The following FER variants were observed in gnomAD, a reference collection of about 807,000 sequenced individuals.
FER encodes the protein FER tyrosine kinase.
FER carries 63 observed loss-of-function variants against 111.0 expected under a neutral mutation model. That is an observed-to-expected ratio of 0.57 (90% confidence interval 0.46 to 0.70). The LOEUF is 0.70. Among genes scored for constraint, FER ranks in the 30% least tolerant of loss-of-function variants. The probability of loss-of-function intolerance (pLI) is 0.00; values close to 1 mark genes in which losing one functional copy is unlikely to be tolerated. For synonymous variants in FER, 327 were observed against 313.9 expected (o/e 1.04, Z -0.44); for missense variants, 914 against 954.0 (o/e 0.96, Z 0.55).
At chr5:108,794,335 G>A (rs1250647327) in intron 2 of FER, among the ~76,000 whole-genome samples, 1 of 151,000 alleles carries the variant, frequency 6.6e-6, no homozygotes, top group Non-Finnish European at 1.5e-5. Context: ...CTCCTGCTGC[G>A]GCCTCCCTAG....
At chr5:108,820,016 C>T (rs1183660317) in intron 3 of FER, 26 of 984,942 alleles carry the variant, frequency 2.6e-5, no homozygotes, top group Non-Finnish European at 2.8e-5. Flanking sequence ...AATAACAGAA[C>T]GGCTTGTCTA....
At chr5:108,835,322 T>C (rs2150139288) in intron 4 of FER, among the ~76,000 whole-genome samples, 1 of 151,660 alleles carries the variant, frequency 6.6e-6, no homozygotes, top group East Asian at 2.0e-4. Context: ...GCTGGGATTA[T>C]AGGCATGCGC....
intron 8 of FER, among the ~76,000 whole-genome samples, chr5:108,881,292 A>G (rs1003445669): frequency 6.6e-6 from 1 of 152,196 alleles, no homozygotes; most frequent in Non-Finnish European, 1.5e-5. Context: ...CCTCACAATC[A>G]TGGTAGAAGG....
chr5:109,078,723 A>T (rs1267375671), intron 16 of FER, among the ~76,000 whole-genome samples: 1 of 152,196 alleles, frequency 6.6e-6, no homozygotes, highest in African/African-American at 2.4e-5. Flanking sequence ...CACATTAGGA[A>T]TATAAAAGAC....
intron 17 of FER, among the ~76,000 whole-genome samples, chr5:109,172,858 C>T (rs1042881104): frequency 6.6e-6 from 1 of 152,066 alleles, no homozygotes; most frequent in Non-Finnish European, 1.5e-5. Context: ...GAAATATTGA[C>T]TGAGAGAAAT....
intron 1 of FER, among the ~76,000 whole-genome samples, chr5:108,750,183 C>A (rs78633399): frequency 0.068 from 10,261 of 151,418 alleles, 431 homozygotes; most frequent in South Asian, 0.087. Context: ...TGTAGTGGAA[C>A]ATCAATAAGA....
chr5:109,104,809 C>G (rs1479185408), intron 17 of FER, among the ~76,000 whole-genome samples: 1 of 151,984 alleles, frequency 6.6e-6, no homozygotes, highest in Non-Finnish European at 1.5e-5. Context: ...GTGGCGCCAT[C>G]TCGGCTCACT....
intron 17 of FER, among the ~76,000 whole-genome samples, chr5:109,165,565 C>T (rs1399429577): frequency 1.3e-5 from 2 of 151,222 alleles, no homozygotes; most frequent in Non-Finnish European, 2.9e-5. Flanking sequence ...AAATAAAGTG[C>T]ACACCACACA....
chr5:109,062,929 T>C (rs769826273), intron 16 of FER, among the ~76,000 whole-genome samples: 3 of 152,326 alleles, frequency 2.0e-5, no homozygotes, highest in East Asian at 1.9e-4. Flanking sequence ...AAATGACTTA[T>C]GACTTTGGAA....
chr5:109,069,238 G>C (rs1377335230), intron 16 of FER, among the ~76,000 whole-genome samples: 1 of 152,128 alleles, frequency 6.6e-6, no homozygotes, highest in Non-Finnish European at 1.5e-5. Flanking sequence ...ATGTAGAAAG[G>C]AATGTGTTTC....
At chr5:108,896,811 T>A (rs898913045) in intron 9 of FER, among the ~76,000 whole-genome samples, 10 of 152,216 alleles carry the variant, frequency 6.6e-5, no homozygotes, top group Admixed American at 3.3e-4. Flanking sequence ...TTTTCCAATT[T>A]TGACATTTTG....
At chr5:109,172,689 A>G (rs1757272204) in intron 17 of FER, among the ~76,000 whole-genome samples, 1 of 152,130 alleles carries the variant, frequency 6.6e-6, no homozygotes. Flanking sequence ...GAAGAGATTA[A>G]AACATTTACT....
Position 109,055,747 on chromosome 5 carries a change from A to G in FER, c.1924+8549A>G, listed in dbSNP as rs183739919. Among the ~76,000 whole-genome samples the G allele has an allele frequency of 4.0e-5, 6 of 148,906 alleles. No homozygotes were observed. The East Asian group carries it at 1.2e-3, about 29-fold the overall frequency. ...GTCTGCAGTGAGCTGTGATCATGCC[A>G]CTGATCACAACAGATGTGCCACAAC... On this transcript the variant is annotated intron_variant, in intron 16 of 19. Transcript: ENST00000281092.
intron 17 of FER, among the ~76,000 whole-genome samples, chr5:109,109,623 G>A (rs17450387): frequency 0.18 from 26,973 of 152,048 alleles, 2,539 homozygotes; most frequent in Non-Finnish European, 0.2. Context: ...GTATCTGAAG[G>A]CTTTCCACTC....
chr5:108,934,524 C>T (rs1374965305), intron 10 of FER, among the ~76,000 whole-genome samples: 7 of 152,022 alleles, frequency 4.6e-5, no homozygotes, highest in African/African-American at 7.2e-5. Flanking sequence ...CTTGGGAGTT[C>T]GTTGCTTTTT....
intron 10 of FER, among the ~76,000 whole-genome samples, chr5:108,900,097 C>G (rs1261363339): frequency 6.6e-6 from 1 of 152,058 alleles, no homozygotes; most frequent in Non-Finnish European, 1.5e-5. Context: ...TGAAGCAATG[C>G]TTTTAGTCAT....
intron 3 of FER, among the ~76,000 whole-genome samples, chr5:108,809,131 T>A (rs1757490453): frequency 6.6e-6 from 1 of 152,234 alleles, no homozygotes; most frequent in South Asian, 2.1e-4. Flanking sequence ...TGTGGATATC[T>A]ACCTCTCCAG....
At chr5:109,146,070 A>C (rs1754070725) in intron 17 of FER, among the ~76,000 whole-genome samples, 1 of 150,952 alleles carries the variant, frequency 6.6e-6, no homozygotes, top group African/African-American at 2.4e-5. Flanking sequence ...TATAATGTAG[A>C]GATTTCTCAA....
intron 9 of FER, chr5:108,894,704 A>G (rs1306311638): frequency 9.2e-6 from 2 of 218,500 alleles, no homozygotes; most frequent in Admixed American, 9.8e-5. Context: ...TCACAGTTCC[A>G]CATGCCTGGG....
Sources: allele counts gnomAD v4.1 joint callset (sites outside exome capture counted in the v4.1 genomes callset), GRCh38; gene constraint gnomAD v4.1.1; transcripts MANE v1.5; gene names NCBI Gene and HGNC (gene_info 2026-07-23, HGNC 2026-07-21).